The following HSD17B14 variants were observed in gnomAD, a reference collection of about 807,000 sequenced individuals.
The protein encoded by HSD17B14 is L-fucose dehydrogenase.
In HSD17B14, 32 loss-of-function variants were observed where a neutral mutation model predicts 32.2. The observed-to-expected ratio is 0.99, with a 90% CI of 0.75 to 1.33. HSD17B14 has a LOEUF of 1.33. Among genes scored for constraint, HSD17B14 ranks in the 40% most tolerant of loss-of-function variants. The pLI is 0.00. For synonymous variants in HSD17B14, 140 were observed against 155.4 expected, an observed-to-expected ratio of 0.90 and a Z score of 0.74; for missense variants, 370 against 366.5, an observed-to-expected ratio of 1.01 and a Z score of -0.08.
rs750676825 is a variant in HSD17B14 at position 48,815,137 on chromosome 19, G to A, written c.374C>T (p.Ala125Val). The A allele has an allele frequency of 5.0e-6, 8 of 1,613,250 alleles. No individual in the cohort carries two copies. In the African/African-American group the frequency reaches 8.0e-5, roughly 16 times the overall value. ...TTGACTCTTCCGCAGGTAGGGGAGGGCGAGCTAGGGAGACAAGAGGCCAAG... is the reference window on the plus strand; with the variant it reads ...TTGACTCTTCCGCAGGTAGGGGAGGACGAGCTAGGGAGACAAGAGGCCAAG... ...LLGTYTLTKL[A>V]LPYLRKSQGN... The change falls in exon 6 of 9, where the codon GCC (alanine) becomes GTC (valine). Residue 125 changes from alanine (A) to valine (V), a missense_variant. Ala to Val is a moderately conservative substitution (Grantham distance 64, BLOSUM62 0). Coordinates refer to ENST00000263278, the MANE Select transcript of HSD17B14 (RefSeq NM_016246.3).
chr19:48,817,803 A>G (rs511779), intron 5 of HSD17B14, among the ~76,000 whole-genome samples: 4,550 of 152,288 alleles, frequency 0.03, 222 homozygotes, highest in African/African-American at 0.1. Flanking sequence ...AGCAATTTAC[A>G]TGGATTAGCT....
At chr19:48,831,615 A>C in intron 5 of HSD17B14, 53 bp downstream of exon 5, 3 of 1,200,790 alleles carry the variant, frequency 2.5e-6, no homozygotes, top group Non-Finnish European at 3.7e-6. Context: ...GCATCACACA[A>C]TCCACCTATC....
chr19:48,825,816 A>C (rs1455076285), intron 5 of HSD17B14, among the ~76,000 whole-genome samples: 2 of 151,576 alleles, frequency 1.3e-5, no homozygotes, highest in Non-Finnish European at 2.9e-5. Flanking sequence ...CAACTTGACC[A>C]ACTTTATTTA....
intron 5 of HSD17B14, among the ~76,000 whole-genome samples, chr19:48,828,141 GC>G (rs2035281835): frequency 6.6e-6 from 1 of 152,156 alleles, no homozygotes; most frequent in Non-Finnish European, 1.5e-5. Context: ...GGCATGAGGT[GC>G]CGCGCCCGGC....
chr19:48,815,227 G>GACCTCCCT, intron 5 of HSD17B14, 86 bp from the exon 6 acceptor site: 1 of 981,902 alleles, frequency 1.0e-6, no homozygotes, highest in South Asian at 1.3e-5. Flanking sequence ...CCTGATGTCT[G>GACCTCCCT]GGATGACGGC....
At chr19:48,822,603 ATGG>A (rs936995432) in intron 5 of HSD17B14, among the ~76,000 whole-genome samples, 9 of 148,558 alleles carry the variant, frequency 6.1e-5, no homozygotes, top group African/African-American at 2.3e-4. Context: ...GAGGATGGTG[ATGG>A]TGATGATTGT....
chr19:48,834,255 A>G (rs2122805914), intron 3 of HSD17B14, 21 bp downstream of exon 3: 4 of 1,595,758 alleles, frequency 2.5e-6, no homozygotes, highest in Non-Finnish European at 3.4e-6. Flanking sequence ...AGATGGGGGT[A>G]GGAACAGGAA....
chr19:48,822,777 ATGG>A (rs1250420170), intron 5 of HSD17B14, among the ~76,000 whole-genome samples: 3 of 151,268 alleles, frequency 2.0e-5, no homozygotes, highest in Non-Finnish European at 4.4e-5. Context: ...GATGGTGATG[ATGG>A]TGGTAATGAT....
intron 5 of HSD17B14, among the ~76,000 whole-genome samples, chr19:48,816,830 T>TTCTTTCTTTTCTTTC (rs2035064918): frequency 6.7e-6 from 1 of 149,822 alleles, no homozygotes; most frequent in Non-Finnish European, 1.5e-5. Context: ...TTTCTTTTCT[T>TTCTTTCTTTTCTTTC]TCTCTCTCTC....
chr19:48,834,335 G>A lies in HSD17B14; in HGVS notation c.151C>T (p.Gln51Ter), dbSNP rs1394730468. 4.3e-6 allele frequency: 7 copies of A among 1,613,776 alleles called. No individual in the cohort carries two copies. The highest frequency in any genetic ancestry group is 4.0e-5 in the African/African-American group (3 of 74,928). ...KDESGGRALE[Q>*]ELPGAVFILC... ...ATAAAGACAGCTCCAGGGAGCTCCTGCTCCAGGGCCCGGCCCCCAGACTCT... is the reference window on the plus strand; with the variant it reads ...ATAAAGACAGCTCCAGGGAGCTCCTACTCCAGGGCCCGGCCCCCAGACTCT... The change falls in exon 3 of 9, where the codon CAG (glutamine) becomes TAG (stop). Residue 51 changes from glutamine (Q) to a stop codon, truncating the protein, a stop_gained. Coordinates refer to ENST00000263278, the MANE Select transcript of HSD17B14 (RefSeq NM_016246.3). LOFTEE classifies it high-confidence loss of function.
At chr19:48,823,366 TTTCAC>T (rs1294927749) in intron 5 of HSD17B14, among the ~76,000 whole-genome samples, 1 of 151,948 alleles carries the variant, frequency 6.6e-6, no homozygotes, top group Non-Finnish European at 1.5e-5. Context: ...GCCATGATCA[TTTCAC>T]TGCACTCCAG....
intron 4 of HSD17B14, 29 bp from the exon 5 acceptor site, chr19:48,831,788 A>G (rs764453108): frequency 7.7e-7 from 1 of 1,305,026 alleles, no homozygotes; most frequent in East Asian, 2.4e-5. Context: ...GAGAGAGGAA[A>G]AGTGACGGGG....
At chr19:48,822,319 A>G (rs1258832921) in intron 5 of HSD17B14, among the ~76,000 whole-genome samples, 8 of 117,760 alleles carry the variant, frequency 6.8e-5, no homozygotes, top group East Asian at 2.8e-4. Context: ...TGATTGTGGC[A>G]ATGATGGTGA....
rs2035496718 is a variant in HSD17B14, at chr19:48,835,786, C to G, written c.127+19G>C. ...GAGGGAGGAAGGGCCAAGGTGAGGG[C>G]TGAGGGACCGTCACTCACCATCCTT... On this transcript the variant is annotated intron_variant, in intron 2 of 8. Transcript: ENST00000263278. The G allele has an allele frequency of 1.2e-6, 2 of 1,613,188 alleles. No homozygotes were observed. Among genetic ancestry groups the G allele is most frequent in the East Asian group, 4.5e-5 (2 of 44,886 alleles).
Position 48,815,053 on chromosome 19 carries a change from G to A in HSD17B14, c.458C>T (p.Pro153Leu), listed in dbSNP as rs747692294. The A allele has an allele frequency of 4.3e-6, 7 of 1,613,622 alleles. No individual in the cohort carries two copies. Among genetic ancestry groups the A allele is most frequent in the Middle Eastern group, 3.3e-4 (2 of 6,084 alleles). The change falls in exon 6 of 9, where the codon CCC becomes CTC. Residue 153 changes from proline to leucine, a missense_variant. Transcript: ENST00000263278. ...CTGCCATACCTTGGTGGCCACATAG[G>A]GAACTGCCTGGGCCTGGCCGATTGC... ...VGAIGQAQAV[P>L]YVATKGAVTA...
At chr19:48,826,972 C>A (rs2035261365) in intron 5 of HSD17B14, among the ~76,000 whole-genome samples, 1 of 152,092 alleles carries the variant, frequency 6.6e-6, no homozygotes, top group Non-Finnish European at 1.5e-5. Flanking sequence ...GGCTTTCCTG[C>A]CACAGTGAAT....
At chr19:48,832,639 G>A (rs767595849) in intron 4 of HSD17B14, 27 bp downstream of exon 4, 4 of 1,604,636 alleles carry the variant, frequency 2.5e-6, no homozygotes, top group Admixed American at 3.4e-5. Context: ...AGGAGGTGGA[G>A]AATGGCCCTG....
chr19:48,818,717 G>A (rs538385520), intron 5 of HSD17B14, among the ~76,000 whole-genome samples: 2 of 152,218 alleles, frequency 1.3e-5, no homozygotes, highest in Non-Finnish European at 2.9e-5. Flanking sequence ...GACCCGCTGG[G>A]GGCCAGGTGC....
At position 48,813,741 on chromosome 19, in the gene HSD17B14, T is replaced by G; in HGVS notation, c.475-11A>C. 1 of 1,614,146 alleles carries G rather than the reference T, an allele frequency of 6.2e-7. No individual in the cohort carries two copies. The highest frequency in any genetic ancestry group is 1.1e-5 in the South Asian group (1 of 91,086). ...GGCTGTTACTGCCCCCTGCAGGAAA[T>G]GGAGCGGGGAAGAAAGTTCAGTCCC... On this transcript the variant is annotated splice_polypyrimidine_tract_variant and intron_variant, in intron 6 of 8. Coordinates refer to ENST00000263278, the MANE Select transcript of HSD17B14 (RefSeq NM_016246.3).
Sources: allele counts gnomAD v4.1 joint callset (sites outside exome capture counted in the v4.1 genomes callset), GRCh38; gene constraint gnomAD v4.1.1; transcripts MANE v1.5; gene names NCBI Gene and HGNC (gene_info 2026-07-23, HGNC 2026-07-21).